PRKN: variants seen among roughly 807,000 people sequenced by gnomAD.
The protein encoded by PRKN is E3 ubiquitin-protein ligase parkin.
PRKN carries 56 observed loss-of-function variants against 59.5 expected under a neutral mutation model. The observed-to-expected ratio is 0.94, with a 90% CI of 0.76 to 1.18. The LOEUF (loss-of-function observed/expected upper bound fraction) is 1.18, where lower values mean the gene tolerates loss of function less well. PRKN is among the 50% of genes most tolerant of loss of function. The pLI is 0.00. For missense variants in PRKN, 657 were observed against 596.4 expected (o/e 1.10, Z -1.06); for synonymous variants, 250 against 222.1 (o/e 1.13, Z -1.12).
rs769173707 is a variant in PRKN at position 162,284,823 on chromosome 6, C to A, written c.172-22058G>T. ...TGCTATTTACTGCCAATATGCTGCA[C>A]AGCTACAAGTGTTATGGGCTAAATT... On this transcript the variant is annotated intron_variant, in intron 2 of 11. Transcript: ENST00000366898. 9.9e-5 allele frequency among the ~76,000 whole-genome samples: 15 copies of A among 152,144 alleles called. 1 individual carries two copies. Among genetic ancestry groups the A allele is most frequent in the African/African-American group, 3.1e-4 (13 of 41,420 alleles).
At chr6:161,420,254 AAAG>A (rs1293434022) in intron 9 of PRKN, among the ~76,000 whole-genome samples, 1 of 151,964 alleles carries the variant, frequency 6.6e-6, no homozygotes, top group Non-Finnish European at 1.5e-5. Flanking sequence ...AAAAAAAAAA[AAAG>A]AACTTGATAA....
chr6:162,511,096 T>C (rs1052284717), intron 1 of PRKN, among the ~76,000 whole-genome samples: 2 of 152,208 alleles, frequency 1.3e-5, no homozygotes, highest in Non-Finnish European at 2.9e-5. Flanking sequence ...TATTTTTTCA[T>C]GATTGAGATC....
chr6:161,370,424 C>CA (rs71004046), intron 10 of PRKN, among the ~76,000 whole-genome samples: 511 of 120,966 alleles, frequency 4.2e-3, no homozygotes, highest in Middle Eastern at 8.8e-3. Flanking sequence ...ACTCAAAATA[C>CA]AAAAAAAAAA....
At chr6:162,410,765 T>C (rs1788316561) in intron 2 of PRKN, among the ~76,000 whole-genome samples, 1 of 152,168 alleles carries the variant, frequency 6.6e-6, no homozygotes, top group Non-Finnish European at 1.5e-5. Flanking sequence ...CTCCACTATC[T>C]TGGAGTTTGG....
intron 5 of PRKN, among the ~76,000 whole-genome samples, chr6:161,984,088 G>A (rs1022901864): frequency 4.0e-5 from 6 of 151,892 alleles, no homozygotes; most frequent in Admixed American, 6.6e-5. Context: ...TGGCCTCAGC[G>A]GTCAGAGTAA....
rs1277882889 is a variant in PRKN, at chr6:161,414,999, C to T, written c.1084-28122G>A. ...GGGAAGGACGGAGCCTGCCATTCTG[C>T]GGAGCGTCACCTGGTTCTTACCCAC... On this transcript the variant is annotated intron_variant, in intron 9 of 11. Transcript: ENST00000366898. The surrounding 1 kb of genome is among the most constrained non-coding windows in gnomAD (Gnocchi z 5.3). Among the ~76,000 whole-genome samples the T allele has an allele frequency of 2.6e-5, 4 of 152,312 alleles. No individual in the cohort carries two copies. Among genetic ancestry groups the T allele is most frequent in the Admixed American group, 1.3e-4 (2 of 15,302 alleles).
At chr6:161,629,204 A>G (rs1783204024) in intron 7 of PRKN, among the ~76,000 whole-genome samples, 4 of 152,146 alleles carry the variant, frequency 2.6e-5, no homozygotes, top group Admixed American at 2.6e-4. Context: ...TTTGCTCAAA[A>G]ATGGGACCTG....
intron 1 of PRKN, among the ~76,000 whole-genome samples, chr6:162,692,607 T>G (rs1327565343): frequency 6.7e-6 from 1 of 150,328 alleles, no homozygotes; most frequent in African/African-American, 2.4e-5. Flanking sequence ...CAAGGCTCAG[T>G]GACCCTCCGG....
chr6:162,716,897 C>T (rs1424953864), intron 1 of PRKN, among the ~76,000 whole-genome samples: 1 of 152,198 alleles, frequency 6.6e-6, no homozygotes, highest in Non-Finnish European at 1.5e-5. Context: ...ATTCTTCCTT[C>T]ATAAGGAAGT....
At chr6:162,645,016 T>C (rs1470880597) in intron 1 of PRKN, among the ~76,000 whole-genome samples, 5 of 152,206 alleles carry the variant, frequency 3.3e-5, no homozygotes, top group Non-Finnish European at 7.3e-5. Flanking sequence ...TATTATTGAA[T>C]ACCATTTCAG....
At chr6:162,611,126 A>G (rs1782128003) in intron 1 of PRKN, among the ~76,000 whole-genome samples, 1 of 152,202 alleles carries the variant, frequency 6.6e-6, no homozygotes, top group East Asian at 1.9e-4. Context: ...GAACTATACA[A>G]TTGCTTAAGT....
At chr6:161,861,630 A>T (rs1267266915) in intron 6 of PRKN, among the ~76,000 whole-genome samples, 9 of 145,466 alleles carry the variant, frequency 6.2e-5, no homozygotes, top group Admixed American at 6.2e-4. Context: ...AAAAAAAAAA[A>T]AAACCTTAGA....
chr6:161,412,893 CA>C (rs1562431048), intron 9 of PRKN, among the ~76,000 whole-genome samples: 1 of 152,018 alleles, frequency 6.6e-6, no homozygotes, highest in Admixed American at 6.5e-5. Context: ...CTCATTCCTT[CA>C]CTCACTCATT....
At chr6:161,558,464 C>G (rs1312415592) in intron 8 of PRKN, among the ~76,000 whole-genome samples, 2 of 151,650 alleles carry the variant, frequency 1.3e-5, no homozygotes, top group African/African-American at 4.9e-5. Flanking sequence ...ACTCAGGAGG[C>G]TGAGGTGAGA....
chr6:162,040,710 T>C (rs887598984), intron 5 of PRKN, among the ~76,000 whole-genome samples: 6 of 151,130 alleles, frequency 4.0e-5, no homozygotes, highest in African/African-American at 1.5e-4. Context: ...TGAGCCACCA[T>C]GCCTGGCCTA....
chr6:162,631,856 T>G (rs1431348656), intron 1 of PRKN, among the ~76,000 whole-genome samples: 1 of 152,108 alleles, frequency 6.6e-6, no homozygotes, highest in African/African-American at 2.4e-5. Context: ...ATTTTTAGTT[T>G]TTTTATATAG....
At chr6:162,581,141 A>G (rs1406477275) in intron 1 of PRKN, among the ~76,000 whole-genome samples, 1 of 152,128 alleles carries the variant, frequency 6.6e-6, no homozygotes, top group Non-Finnish European at 1.5e-5. Context: ...TTAAAAGGAG[A>G]ACTGATACTA....
intron 9 of PRKN, among the ~76,000 whole-genome samples, chr6:161,392,852 T>C (rs1379308470): frequency 1.3e-5 from 2 of 152,138 alleles, no homozygotes; most frequent in South Asian, 2.1e-4. Flanking sequence ...ATTCTTAACA[T>C]TGAAGTCATA....
intron 1 of PRKN, among the ~76,000 whole-genome samples, chr6:162,554,216 C>G (rs535016245): frequency 1.3e-5 from 2 of 152,226 alleles, no homozygotes; most frequent in South Asian, 4.1e-4. Flanking sequence ...AGAAAACGGA[C>G]AGAATGGCCA....
Sources: gnomAD v4.1 joint callset for allele counts (sites outside exome capture counted in the v4.1 genomes callset) on GRCh38, gnomAD v4.1.1 for gene constraint, Gnocchi (gnomAD v3.1) non-coding constraint, MANE v1.5 for transcripts, NCBI Gene and HGNC (gene_info 2026-07-23, HGNC 2026-07-21) for gene names.